NRG3: variants seen among roughly 807,000 people sequenced by gnomAD.
NRG3 encodes pro-neuregulin-3, membrane-bound isoform.
NRG3 carries 31 observed loss-of-function variants against 66.9 expected under a neutral mutation model. That is an observed-to-expected ratio of 0.46 (90% CI 0.35 to 0.63). The LOEUF is 0.63. Ranked by LOEUF, NRG3 falls within the 20% of genes least tolerant of loss-of-function variation. The pLI is 0.00. For synonymous variants in NRG3, 393 were observed against 359.4 expected, an observed-to-expected ratio of 1.09 and a Z score of -1.06; for missense variants, 910 against 878.9, an observed-to-expected ratio of 1.04 and a Z score of -0.45.
intron 3 of NRG3, among the ~76,000 whole-genome samples, chr10:82,745,245 C>A (rs917990302): frequency 1.3e-5 from 2 of 152,172 alleles, no homozygotes; most frequent in African/African-American, 2.4e-5. Context: ...CACTGCCCGA[C>A]TTCACTGGTA....
rs369867261 is a variant in NRG3, at chr10:82,674,900, A to T, written c.954-63677A>T. On this transcript the variant is annotated intron_variant, in intron 2 of 8. Transcript: ENST00000372141. ...ACACCATGGGGGAGAGGGAATTATTATCTCCTCAAAGGCTTCTAGATTAGG... is the reference window on the plus strand; with the variant it reads ...ACACCATGGGGGAGAGGGAATTATTTTCTCCTCAAAGGCTTCTAGATTAGG... Among the ~76,000 whole-genome samples the T allele has an allele frequency of 1.8e-4, 27 of 152,082 alleles. No individual in the cohort carries two copies. In the East Asian group the frequency reaches 3.1e-3, roughly 17 times the overall value.
chr10:82,337,115 TA>T (rs1009665333), intron 1 of NRG3, among the ~76,000 whole-genome samples: 31 of 152,234 alleles, frequency 2.0e-4, no homozygotes, highest in Middle Eastern at 6.8e-3. Flanking sequence ...ACTGGAAACA[TA>T]AAAAAGGGTT....
chr10:82,586,320 A>T (rs1036538430), intron 2 of NRG3, among the ~76,000 whole-genome samples: 1 of 152,140 alleles, frequency 6.6e-6, no homozygotes, highest in Non-Finnish European at 1.5e-5. Context: ...TTGGGAGAAG[A>T]CAAGGAGAAG....
chr10:82,314,119 C>T (rs2081176816), intron 1 of NRG3, among the ~76,000 whole-genome samples: 1 of 152,126 alleles, frequency 6.6e-6, no homozygotes, highest in Non-Finnish European at 1.5e-5. Flanking sequence ...AACAAGATAA[C>T]CTAGCAAAGT....
chr10:82,724,922 A>G (rs983257420), intron 2 of NRG3, among the ~76,000 whole-genome samples: 4 of 152,060 alleles, frequency 2.6e-5, no homozygotes, highest in African/African-American at 9.7e-5. Context: ...GCTTCAGGGA[A>G]TCATCTACAC....
intron 1 of NRG3, among the ~76,000 whole-genome samples, chr10:82,319,238 T>G (rs940198910): frequency 6.6e-6 from 1 of 152,224 alleles, no homozygotes; most frequent in Non-Finnish European, 1.5e-5. Context: ...CTTGGTTACA[T>G]CTTCCCATCT....
chr10:82,590,810 T>C (rs1380137316), intron 2 of NRG3, among the ~76,000 whole-genome samples: 1 of 152,228 alleles, frequency 6.6e-6, no homozygotes, highest in African/African-American at 2.4e-5. Flanking sequence ...AAGATTTCAA[T>C]GAATTGCCAA....
chr10:82,662,208 T>G (rs2052418608), intron 2 of NRG3, among the ~76,000 whole-genome samples: 1 of 152,024 alleles, frequency 6.6e-6, no homozygotes, highest in African/African-American at 2.4e-5. Flanking sequence ...TAAAGTGACT[T>G]TTATATATGA....
intron 1 of NRG3, among the ~76,000 whole-genome samples, chr10:81,973,756 GT>G (rs894652683): frequency 1.3e-5 from 2 of 152,020 alleles, no homozygotes; most frequent in African/African-American, 4.8e-5. Context: ...TTATGGGGTT[GT>G]TTTTTCTTCT....
intron 3 of NRG3, among the ~76,000 whole-genome samples, chr10:82,846,282 A>T (rs1420636018): frequency 6.6e-6 from 1 of 152,204 alleles, no homozygotes; most frequent in Non-Finnish European, 1.5e-5. Flanking sequence ...GCTTGGCACA[A>T]GATTCAGAAG....
intron 1 of NRG3, among the ~76,000 whole-genome samples, chr10:81,905,684 C>T (rs889724069): frequency 6.6e-6 from 1 of 152,146 alleles, no homozygotes; most frequent in African/African-American, 2.4e-5. Context: ...TTTTACAGGC[C>T]ATTACTGGCA....
intron 1 of NRG3, among the ~76,000 whole-genome samples, chr10:82,252,947 C>T (rs1286140557): frequency 2.0e-5 from 3 of 152,132 alleles, no homozygotes; most frequent in South Asian, 2.1e-4. Flanking sequence ...AAGCCACCTT[C>T]GCTACTGCAA....
intron 1 of NRG3, among the ~76,000 whole-genome samples, chr10:82,327,720 A>G (rs576208257): frequency 1.7e-4 from 26 of 152,134 alleles, no homozygotes; most frequent in Non-Finnish European, 3.7e-4. Context: ...TGACTTGTAA[A>G]CCAGCCCATG....
chr10:82,033,630 ATGAG>A (rs1164698556), intron 1 of NRG3, among the ~76,000 whole-genome samples: 2 of 152,126 alleles, frequency 1.3e-5, no homozygotes, highest in Non-Finnish European at 2.9e-5. Context: ...TACAGAATGA[ATGAG>A]TGAATGAATC....
At chr10:82,314,916 A>G (rs919264327) in intron 1 of NRG3, among the ~76,000 whole-genome samples, 1 of 152,152 alleles carries the variant, frequency 6.6e-6, no homozygotes, top group Non-Finnish European at 1.5e-5. Context: ...AATTTATGCC[A>G]TTGGTTATGT....
chr10:82,097,094 T>C (rs950003321), intron 1 of NRG3, among the ~76,000 whole-genome samples: 4 of 152,090 alleles, frequency 2.6e-5, no homozygotes, highest in African/African-American at 9.7e-5. Context: ...TTATAGTTAA[T>C]TCCTCTCTTT....
chr10:81,943,451 G>A (rs1395096567), intron 1 of NRG3, among the ~76,000 whole-genome samples: 1 of 152,158 alleles, frequency 6.6e-6, no homozygotes, highest in Non-Finnish European at 1.5e-5. Flanking sequence ...TACTAATCTT[G>A]TGGAAAGCAT....
chr10:82,967,279 A>G (rs1413788150), intron 6 of NRG3, among the ~76,000 whole-genome samples: 1 of 151,770 alleles, frequency 6.6e-6, no homozygotes, highest in Non-Finnish European at 1.5e-5. Context: ...AAATTTTTCT[A>G]TGTAAGCATC....
At chr10:82,793,824 A>G (rs986775118) in intron 3 of NRG3, among the ~76,000 whole-genome samples, 4 of 152,188 alleles carry the variant, frequency 2.6e-5, no homozygotes, top group South Asian at 2.1e-4. Flanking sequence ...TTTTGCTCAC[A>G]TTCCATAGAC....
Sources: allele counts gnomAD v4.1 joint callset (sites outside exome capture counted in the v4.1 genomes callset), GRCh38; gene constraint gnomAD v4.1.1; transcripts MANE v1.5; gene names NCBI Gene and HGNC (gene_info 2026-07-23, HGNC 2026-07-21).